The following HDAC4 variants were observed in gnomAD, a reference collection of about 807,000 sequenced individuals.
HDAC4 encodes the protein histone deacetylase 4.
HDAC4 carries 16 observed loss-of-function variants against 135.1 expected under a neutral mutation model. The observed-to-expected ratio is 0.12, with a 90% CI of 0.08 to 0.18. The LOEUF is 0.18. Ranked by LOEUF, HDAC4 falls within the 10% of genes least tolerant of loss-of-function variation. The pLI is 1.00. For synonymous variants in HDAC4, 685 were observed against 653.4 expected (o/e 1.05, Z -0.74); for missense variants, 1,143 against 1,511.8 (o/e 0.76, Z 4.05).
At position 239,307,940 on chromosome 2, in the gene HDAC4, A is replaced by G. The variant is rs765639834; in HGVS notation, c.22+44738T>C. On this transcript the variant is annotated intron_variant, in intron 2 of 26. Coordinates refer to ENST00000543185, the MANE Select transcript of HDAC4 (RefSeq NM_001378414.1). The surrounding 1 kb of genome is among the most constrained non-coding windows in gnomAD (Gnocchi z 4.8). ...TGATCTCCACCTGAAAACGGAACACAAGGCCCGGCAGCAACAGCCAGCAAA... is the reference window on the plus strand; with the variant it reads ...TGATCTCCACCTGAAAACGGAACACGAGGCCCGGCAGCAACAGCCAGCAAA... 6.6e-6 allele frequency among the ~76,000 whole-genome samples: 1 copy of G among 152,108 alleles called. No individual in the cohort carries two copies. Among genetic ancestry groups the G allele is most frequent in the African/African-American group, 2.4e-5 (1 of 41,408 alleles).
intron 11 of HDAC4, among the ~76,000 whole-genome samples, chr2:239,132,705 GT>G (rs967995619): frequency 3.3e-5 from 5 of 152,218 alleles, no homozygotes; most frequent in African/African-American, 1.2e-4. Flanking sequence ...CAAAAAGGCT[GT>G]TTTCCAAAAA....
rs924760023 is a variant in HDAC4, at chr2:239,103,045, A to C, written c.2113-149T>G. 6.9e-5 allele frequency: 58 copies of C among 837,944 alleles called. No homozygotes were observed. The East Asian group carries it at 1.2e-3, about 17-fold the overall frequency. The allele number at this position is 837,944 out of a possible 1,614,324, so 51.9% of individuals were successfully genotyped here. A position where few individuals can be genotyped will look rare whatever the true frequency, so the allele number is the denominator to read the frequency against. Reference sequence around the variant, plus strand: ...TGTTATTTGGTTACTGCAAAAGAAGAAGCAACATCACCCAACGTGATATTT... The same window carrying C: ...TGTTATTTGGTTACTGCAAAAGAAGCAGCAACATCACCCAACGTGATATTT... On this transcript the variant is annotated intron_variant, in intron 15 of 26. Coordinates refer to ENST00000543185, the MANE Select transcript of HDAC4 (RefSeq NM_001378414.1).
At chr2:239,358,486 A>G (rs1693657581) in intron 1 of HDAC4, among the ~76,000 whole-genome samples, 1 of 152,212 alleles carries the variant, frequency 6.6e-6, no homozygotes, top group Non-Finnish European at 1.5e-5. Context: ...TGGCTTCTCC[A>G]GGGAACCCTG....
chr2:239,370,797 C>T (rs1196266597), intron 1 of HDAC4, among the ~76,000 whole-genome samples: 13 of 152,216 alleles, frequency 8.5e-5, no homozygotes, highest in Admixed American at 7.8e-4. Flanking sequence ...AGCTCATCCC[C>T]GCATCATGCT....
chr2:239,398,227 C>G (rs1053051130), intron 1 of HDAC4, among the ~76,000 whole-genome samples: 1 of 152,258 alleles, frequency 6.6e-6, no homozygotes, highest in African/African-American at 2.4e-5. Flanking sequence ...AGCTTCTGAG[C>G]TATGAAAGCC....
chr2:239,312,451 C>T (rs185429756), intron 2 of HDAC4, among the ~76,000 whole-genome samples: 213 of 152,324 alleles, frequency 1.4e-3, no homozygotes, highest in Middle Eastern at 3.4e-3. Flanking sequence ...CGTAGTTCCA[C>T]ATTAGGCCCT....
At chr2:239,162,247 G>A (rs772919104) in intron 6 of HDAC4, 8 of 456,148 alleles carry the variant, frequency 1.8e-5, no homozygotes, top group African/African-American at 8.1e-5. Flanking sequence ...TCGCTTGCTC[G>A]GCTGCCTCAC....
Position 239,105,610 on chromosome 2 carries a change from G to C in HDAC4, c.2112+2440C>G, listed in dbSNP as rs190928791. Reference sequence around the variant, plus strand: ...CTCACCACGCGAAGCCAACTCAGCAGTGTGAGGGGAGGGCCTCACCCCCCA... The same window carrying C: ...CTCACCACGCGAAGCCAACTCAGCACTGTGAGGGGAGGGCCTCACCCCCCA... On this transcript the variant is annotated intron_variant, in intron 15 of 26. Transcript: ENST00000543185. Among the ~76,000 whole-genome samples the C allele has an allele frequency of 2.4e-4, 37 of 152,288 alleles. No homozygotes were observed. In the East Asian group the frequency reaches 5.6e-3, roughly 23 times the overall value.
chr2:239,175,591 C>T (rs533609645), intron 5 of HDAC4, among the ~76,000 whole-genome samples: 2 of 152,232 alleles, frequency 1.3e-5, no homozygotes, highest in Non-Finnish European at 2.9e-5. Context: ...ACAGCCCCCA[C>T]AGAAGGCAAA....
At position 239,393,296 on chromosome 2, in the gene HDAC4, G is replaced by C. The variant is rs147472246; in HGVS notation, c.-220+7682C>G. On this transcript the variant is annotated intron_variant, in intron 1 of 26. Transcript: ENST00000543185. ...GAATGGGCCTGCCTCCACAAAGTTA[G>C]AACAAGAGAGATCAGGTCCATCACC... Among the ~76,000 whole-genome samples the C allele has an allele frequency of 7.2e-5, 11 of 152,300 alleles. No homozygotes were observed. The East Asian group carries it at 2.1e-3, about 29-fold the overall frequency.
At chr2:239,358,832 C>T (rs1426224779) in intron 1 of HDAC4, among the ~76,000 whole-genome samples, 4 of 152,162 alleles carry the variant, frequency 2.6e-5, no homozygotes, top group African/African-American at 7.2e-5. Flanking sequence ...AATCGCTAAC[C>T]TCTACACATG....
chr2:239,346,323 A>T (rs1692663596), intron 2 of HDAC4, among the ~76,000 whole-genome samples: 1 of 151,200 alleles, frequency 6.6e-6, no homozygotes, highest in Non-Finnish European at 1.5e-5. Context: ...ACACACGCAT[A>T]CAGACCATAC....
Position 239,331,283 on chromosome 2 carries a change from C to T in HDAC4, c.22+21395G>A, listed in dbSNP as rs576890118. 6.7e-4 allele frequency among the ~76,000 whole-genome samples: 102 copies of T among 151,196 alleles called. No homozygotes were observed. Among genetic ancestry groups the T allele is most frequent in the Non-Finnish European group, 1.1e-3 (75 of 67,900 alleles). On this transcript the variant is annotated intron_variant, in intron 2 of 26. Transcript: ENST00000543185. This position sits in a 1 kb window ranked among gnomAD's most constrained non-coding sequence, Gnocchi z 4.5. ...TTCGAGGGGAAAACGGTAAAAGCCA[C>T]GAGAAGGAGGCAGGATGGGGGAGGG...
chr2:239,291,105 C>A (rs2051464504), intron 2 of HDAC4, among the ~76,000 whole-genome samples: 1 of 152,260 alleles, frequency 6.6e-6, no homozygotes, highest in African/African-American at 2.4e-5. Context: ...CAAGCACTTT[C>A]AAACAGAAAT....
chr2:239,247,128 C>T (rs1456813157), intron 2 of HDAC4, among the ~76,000 whole-genome samples: 1 of 152,260 alleles, frequency 6.6e-6, no homozygotes, highest in Non-Finnish European at 1.5e-5. Context: ...GAGACTAGCT[C>T]TGCGGTCTGC....
intron 3 of HDAC4, among the ~76,000 whole-genome samples, chr2:239,211,840 GA>G (rs2046366946): frequency 6.6e-6 from 1 of 152,032 alleles, no homozygotes; most frequent in African/African-American, 2.4e-5. Context: ...AATAAGCCCC[GA>G]AAAAAAGGAC....
intron 1 of HDAC4, among the ~76,000 whole-genome samples, chr2:239,387,849 G>A (rs897539709): frequency 6.6e-6 from 1 of 152,128 alleles, no homozygotes; most frequent in African/African-American, 2.4e-5. Context: ...TGGGGCTCAT[G>A]GTTCCACCAC....
intron 24 of HDAC4, among the ~76,000 whole-genome samples, chr2:239,056,158 C>T (rs1211755883): frequency 6.6e-6 from 1 of 152,214 alleles, no homozygotes; most frequent in East Asian, 1.9e-4. Flanking sequence ...GCACACATAC[C>T]CACAGCAGGC....
chr2:239,342,977 T>G (rs1660075134), intron 2 of HDAC4, among the ~76,000 whole-genome samples: 1 of 152,126 alleles, frequency 6.6e-6, no homozygotes, highest in South Asian at 2.1e-4. Flanking sequence ...TTGTATTTGT[T>G]TTCCTAAAAA....
Sources: gnomAD v4.1 joint callset for allele counts (sites outside exome capture counted in the v4.1 genomes callset) on GRCh38, gnomAD v4.1.1 for gene constraint, Gnocchi (gnomAD v3.1) non-coding constraint, MANE v1.5 for transcripts, NCBI Gene and HGNC (gene_info 2026-07-23, HGNC 2026-07-21) for gene names.